Variants in FILIP1L observed in about 807,000 individuals in gnomAD.
FILIP1L encodes the protein filamin A-interacting protein 1-like.
Under a neutral mutation model 96.6 loss-of-function variants are expected in FILIP1L, and 55 were observed. The observed-to-expected ratio is 0.57, with a 90% CI of 0.46 to 0.71. FILIP1L has a LOEUF of 0.71. Ranked by LOEUF, FILIP1L falls within the 30% of genes least tolerant of loss-of-function variation. The pLI, the probability that FILIP1L is intolerant of heterozygous loss-of-function variation, is 0.00. For synonymous variants in FILIP1L, 467 were observed against 473.9 expected (o/e 0.99, Z 0.19); for missense variants, 1,304 against 1,321.2 (o/e 0.99, Z 0.20).
intron 1 of FILIP1L, among the ~76,000 whole-genome samples, chr3:99,996,229 A>G (rs1413437843): frequency 6.6e-6 from 1 of 152,196 alleles, no homozygotes. Flanking sequence ...AAAGTTTCAC[A>G]AATCTCTAGG....
chr3:99,918,766 A>G (rs1707033887), intron 4 of FILIP1L, among the ~76,000 whole-genome samples: 1 of 152,204 alleles, frequency 6.6e-6, no homozygotes, highest in Admixed American at 6.5e-5. Context: ...TATGAACACA[A>G]GGCTGATCAT....
intron 4 of FILIP1L, among the ~76,000 whole-genome samples, chr3:99,863,120 G>C (rs1018371810): frequency 2.0e-5 from 3 of 152,222 alleles, no homozygotes; most frequent in African/African-American, 4.8e-5. Context: ...GGACATGGGA[G>C]AGGGTGGTGG....
intron 1 of FILIP1L, among the ~76,000 whole-genome samples, chr3:99,993,873 T>G (rs1461544585): frequency 6.6e-6 from 1 of 152,194 alleles, no homozygotes; most frequent in Admixed American, 6.5e-5. Flanking sequence ...TGATTTTATT[T>G]ACTAGTATTT....
intron 1 of FILIP1L, among the ~76,000 whole-genome samples, chr3:100,042,199 C>T (rs1222807792): frequency 6.6e-6 from 1 of 152,092 alleles, no homozygotes; most frequent in African/African-American, 2.4e-5. Context: ...AAACAATAGC[C>T]ACTGAAATTT....
intron 4 of FILIP1L, among the ~76,000 whole-genome samples, chr3:99,880,906 T>C (rs1448068969): frequency 6.6e-6 from 1 of 152,192 alleles, no homozygotes; most frequent in East Asian, 1.9e-4. Flanking sequence ...GTATATTATG[T>C]TTCTTTTTGC....
At chr3:100,035,083 G>C (rs2065084430) in intron 1 of FILIP1L, among the ~76,000 whole-genome samples, 1 of 152,040 alleles carries the variant, frequency 6.6e-6, no homozygotes, top group South Asian at 2.1e-4. Flanking sequence ...GGGTTGATCT[G>C]TTATCATAAA....
chr3:99,936,362 T>C (rs1707667516), intron 1 of FILIP1L, among the ~76,000 whole-genome samples: 1 of 144,912 alleles, frequency 6.9e-6, no homozygotes, highest in South Asian at 2.2e-4. Context: ...GAACTGAAGC[T>C]TGAAGCCTTT....
intron 1 of FILIP1L, among the ~76,000 whole-genome samples, chr3:99,951,418 T>C (rs1368648672): frequency 1.3e-5 from 2 of 152,192 alleles, no homozygotes; most frequent in Non-Finnish European, 2.9e-5. Flanking sequence ...TAGTATGTAC[T>C]CTGTCGAATG....
At chr3:99,831,088 T>G (rs2107484137) in intron 5 of FILIP1L, among the ~76,000 whole-genome samples, 1 of 152,334 alleles carries the variant, frequency 6.6e-6, no homozygotes, top group South Asian at 2.1e-4. Context: ...ATCAAGAGCC[T>G]TATGAATCTT....
At chr3:100,010,742 G>A (rs1245451369) in intron 1 of FILIP1L, among the ~76,000 whole-genome samples, 2 of 148,642 alleles carry the variant, frequency 1.3e-5, no homozygotes, top group African/African-American at 5.0e-5. Flanking sequence ...AGCCTCCTGA[G>A]TAGCTGGGAT....
intron 1 of FILIP1L, among the ~76,000 whole-genome samples, chr3:99,950,103 G>A (rs940432837): frequency 6.6e-6 from 1 of 152,162 alleles, no homozygotes; most frequent in African/African-American, 2.4e-5. Context: ...GGAACCATTA[G>A]GTTAGAGAAC....
At chr3:99,876,520 T>C (rs1705533588) in intron 4 of FILIP1L, among the ~76,000 whole-genome samples, 1 of 152,212 alleles carries the variant, frequency 6.6e-6, no homozygotes, top group African/African-American at 2.4e-5. Flanking sequence ...TCAATACACA[T>C]CCTGTTATTC....
intron 1 of FILIP1L, among the ~76,000 whole-genome samples, chr3:100,094,689 T>C (rs2066172140): frequency 7.4e-6 from 1 of 135,814 alleles, no homozygotes; most frequent in African/African-American, 2.8e-5. Context: ...TTTTTTTTTT[T>C]TTTTTTTTTT....
At chr3:100,022,900 T>C (rs1378658265) in intron 1 of FILIP1L, among the ~76,000 whole-genome samples, 1 of 152,210 alleles carries the variant, frequency 6.6e-6, no homozygotes, top group Admixed American at 6.5e-5. Context: ...CATGCTTTTT[T>C]ATTACACTAC....
At chr3:99,921,297 T>C (rs1257210628) in intron 4 of FILIP1L, among the ~76,000 whole-genome samples, 3 of 152,192 alleles carry the variant, frequency 2.0e-5, no homozygotes, top group Non-Finnish European at 4.4e-5. Context: ...CCTGAAGTCA[T>C]TAGTTTCCCC....
chr3:99,943,114 G>A (rs1486049694), intron 1 of FILIP1L, among the ~76,000 whole-genome samples: 1 of 152,128 alleles, frequency 6.6e-6, no homozygotes, highest in African/African-American at 2.4e-5. Flanking sequence ...GGCAAAGCCT[G>A]TTTCTTTAAA....
At chr3:100,003,447 A>G (rs1175739550) in intron 1 of FILIP1L, among the ~76,000 whole-genome samples, 1 of 152,198 alleles carries the variant, frequency 6.6e-6, no homozygotes, top group Admixed American at 6.5e-5. Flanking sequence ...AGTGCCTACC[A>G]TGTGCAAGTG....
intron 4 of FILIP1L, among the ~76,000 whole-genome samples, chr3:99,865,755 AAT>A (rs57042892): frequency 1.0e-4 from 15 of 149,506 alleles, no homozygotes; most frequent in South Asian, 2.1e-4. Context: ...CATAATAATA[AAT>A]ATATATATAT....
At chr3:100,069,231 A>G (rs1166819757) in intron 1 of FILIP1L, among the ~76,000 whole-genome samples, 1 of 152,140 alleles carries the variant, frequency 6.6e-6, no homozygotes, top group Non-Finnish European at 1.5e-5. Flanking sequence ...ATTTCTGCAC[A>G]TGGATGTTAG....
Sources: allele counts gnomAD v4.1 joint callset (sites outside exome capture counted in the v4.1 genomes callset), GRCh38; gene constraint gnomAD v4.1.1; transcripts MANE v1.5; gene names NCBI Gene and HGNC (gene_info 2026-07-23, HGNC 2026-07-21).